The following DSCAM variants were observed in gnomAD, a reference collection of about 807,000 sequenced individuals.
DSCAM encodes cell adhesion molecule DSCAM.
In DSCAM, 47 loss-of-function variants were observed where a neutral mutation model predicts 217.7. That is an observed-to-expected ratio of 0.22 (90% CI 0.17 to 0.28). DSCAM has a LOEUF of 0.28. Among genes scored for constraint, DSCAM ranks in the 10% least tolerant of loss-of-function variants. DSCAM has a pLI of 1.00. For synonymous variants in DSCAM, 1,056 were observed against 1,015.3 expected, an observed-to-expected ratio of 1.04 and a Z score of -0.76; for missense variants, 2,080 against 2,618.3, an observed-to-expected ratio of 0.79 and a Z score of 4.49.
At chr21:40,720,434 G>A (rs1323758874) in intron 1 of DSCAM, among the ~76,000 whole-genome samples, 1 of 152,136 alleles carries the variant, frequency 6.6e-6, no homozygotes, top group Non-Finnish European at 1.5e-5. Context: ...GCATTCCAAG[G>A]CTTCTATGAA....
intron 4 of DSCAM, among the ~76,000 whole-genome samples, chr21:40,365,180 G>C (rs2074818413): frequency 6.6e-6 from 1 of 152,110 alleles, no homozygotes; most frequent in Non-Finnish European, 1.5e-5. Flanking sequence ...CACCAAAGGA[G>C]ATTAACATTT....
At chr21:40,497,063 A>AT (rs1419292517) in intron 3 of DSCAM, among the ~76,000 whole-genome samples, 1 of 152,174 alleles carries the variant, frequency 6.6e-6, no homozygotes, top group Non-Finnish European at 1.5e-5. Flanking sequence ...TGGTACAGCC[A>AT]TTTTTGGAAA....
chr21:40,523,483 C>T (rs2076375973), intron 3 of DSCAM, among the ~76,000 whole-genome samples: 1 of 152,276 alleles, frequency 6.6e-6, no homozygotes, highest in Admixed American at 6.5e-5. Flanking sequence ...GGCCATTGAC[C>T]GGTGAATGCC....
chr21:40,662,075 A>G (rs1419112046), intron 3 of DSCAM, among the ~76,000 whole-genome samples: 1 of 152,198 alleles, frequency 6.6e-6, no homozygotes, highest in Middle Eastern at 3.2e-3. Context: ...CTGGGTGTGT[A>G]ATTACAGAGG....
chr21:40,625,320 T>C (rs8134641), intron 3 of DSCAM, among the ~76,000 whole-genome samples: 7,977 of 152,206 alleles, frequency 0.052, 695 homozygotes, highest in African/African-American at 0.18. Flanking sequence ...TATACAAAGA[T>C]GCATTATAAT....
intron 32 of DSCAM, among the ~76,000 whole-genome samples, chr21:40,027,378 T>C (rs2088412241): frequency 6.6e-6 from 1 of 152,210 alleles, no homozygotes; most frequent in African/African-American, 2.4e-5. Flanking sequence ...TGTCAAGGAA[T>C]ATCTTTGTGG....
chr21:40,369,052 A>G, intron 4 of DSCAM, 47 bp downstream of exon 4: 1 of 1,538,674 alleles, frequency 6.5e-7, no homozygotes, highest in Non-Finnish European at 8.8e-7. Flanking sequence ...CAGGACACTA[A>G]CAAAGAAATA....
At chr21:40,090,693 C>A (rs1397792787) in intron 21 of DSCAM, among the ~76,000 whole-genome samples, 2 of 152,140 alleles carry the variant, frequency 1.3e-5, no homozygotes, top group Non-Finnish European at 2.9e-5. Context: ...CTTCATCTCT[C>A]CTCCATCTCT....
chr21:40,427,644 A>T (rs1254240185), intron 3 of DSCAM, among the ~76,000 whole-genome samples: 2 of 152,224 alleles, frequency 1.3e-5, no homozygotes. Flanking sequence ...TCTCTACAGC[A>T]CAGTAAACAC....
At chr21:40,706,173 C>A (rs1443343779) in intron 2 of DSCAM, among the ~76,000 whole-genome samples, 1 of 141,284 alleles carries the variant, frequency 7.1e-6, no homozygotes, top group Non-Finnish European at 1.5e-5. Flanking sequence ...GAGCGAGACT[C>A]CAGTCTCAAA....
intron 3 of DSCAM, among the ~76,000 whole-genome samples, chr21:40,529,406 T>G (rs147774356): frequency 6.6e-6 from 1 of 152,220 alleles, no homozygotes; most frequent in African/African-American, 2.4e-5. Flanking sequence ...ACAGGAATCA[T>G]ATTTGCACTA....
At chr21:40,170,957 A>G (rs1004113024) in intron 15 of DSCAM, among the ~76,000 whole-genome samples, 1 of 152,196 alleles carries the variant, frequency 6.6e-6, no homozygotes, top group Non-Finnish European at 1.5e-5. Flanking sequence ...AGATATATTC[A>G]TAATTAAACC....
intron 3 of DSCAM, among the ~76,000 whole-genome samples, chr21:40,423,841 T>C (rs1181027591): frequency 6.6e-6 from 1 of 151,592 alleles, no homozygotes; most frequent in African/African-American, 2.4e-5. Flanking sequence ...TAGATGTTCC[T>C]GCTATCAGTC....
chr21:40,088,244 G>A (rs148399714), intron 21 of DSCAM, among the ~76,000 whole-genome samples: 21 of 152,266 alleles, frequency 1.4e-4, no homozygotes, highest in African/African-American at 5.1e-4. Flanking sequence ...GAAACCATAG[G>A]TGGAAGGCAG....
At chr21:40,685,004 G>A (rs115558162) in intron 3 of DSCAM, among the ~76,000 whole-genome samples, 2,200 of 152,250 alleles carry the variant, frequency 0.014, 67 homozygotes, top group African/African-American at 0.049. Flanking sequence ...ACACTTAGGT[G>A]GAGCAAGGGA....
At chr21:40,053,504 G>T (rs1270977937) in intron 29 of DSCAM, among the ~76,000 whole-genome samples, 2 of 152,216 alleles carry the variant, frequency 1.3e-5, no homozygotes, top group Non-Finnish European at 2.9e-5. Context: ...GATCTGCGGG[G>T]CTAGGTTACA....
intron 1 of DSCAM, among the ~76,000 whole-genome samples, chr21:40,726,166 A>G (rs1328996668): frequency 2.6e-5 from 4 of 152,316 alleles, no homozygotes; most frequent in Middle Eastern, 3.4e-3. Context: ...ATCTGAATGT[A>G]TTAAGAAGAG....
At chr21:40,361,204 A>G (rs1029608192) in intron 4 of DSCAM, among the ~76,000 whole-genome samples, 3 of 152,086 alleles carry the variant, frequency 2.0e-5, no homozygotes, top group African/African-American at 7.2e-5. Context: ...AGACAAAAAT[A>G]ATATGACGCA....
rs369429405 is a variant in DSCAM, at chr21:40,381,487, C to G, written c.509-12242G>C. Among the ~76,000 whole-genome samples, 14 of 152,232 alleles carry G rather than the reference C, an allele frequency of 9.2e-5. No homozygotes were observed. In the East Asian group the frequency reaches 9.7e-4, roughly 11 times the overall value. On this transcript the variant is annotated intron_variant, in intron 3 of 32. Coordinates refer to ENST00000400454, the MANE Select transcript of DSCAM (RefSeq NM_001389.5). ...GCACAATACAGTGCTGATTAAAAAG[C>G]AACACATACAAAAAGGAAAAAATAA... is the stretch of plus-strand genomic sequence containing the variant.
Sources: allele counts gnomAD v4.1 joint callset (sites outside exome capture counted in the v4.1 genomes callset), GRCh38; gene constraint gnomAD v4.1.1; transcripts MANE v1.5; gene names NCBI Gene and HGNC (gene_info 2026-07-23, HGNC 2026-07-21).